Variants in FHIT observed in about 807,000 individuals in gnomAD.
The protein encoded by FHIT is bis(5'-adenosyl)-triphosphatase.
In FHIT, 19 loss-of-function variants were observed where a neutral mutation model predicts 17.9. The observed-to-expected ratio is 1.06, with a 90% CI of 0.74 to 1.56. The LOEUF (loss-of-function observed/expected upper bound fraction) is 1.56. Among genes scored for constraint, FHIT ranks in the 40% most tolerant of loss-of-function variants. FHIT has a pLI of 0.00. For missense variants in FHIT, 248 were observed against 189.2 expected, an observed-to-expected ratio of 1.31 and a Z score of -1.82; for synonymous variants, 81 against 69.7, an observed-to-expected ratio of 1.16 and a Z score of -0.81.
chr3:60,035,202 G>A (rs1373850553), intron 5 of FHIT, among the ~76,000 whole-genome samples: 6 of 152,130 alleles, frequency 3.9e-5, no homozygotes, highest in Non-Finnish European at 8.8e-5. Context: ...AGGTCCAGAG[G>A]TGAGAAAAGA....
intron 4 of FHIT, among the ~76,000 whole-genome samples, chr3:60,712,783 C>A (rs1255339067): frequency 7.1e-6 from 1 of 141,518 alleles, no homozygotes. Context: ...AAAGCAAGTC[C>A]TGAGCGACCT....
chr3:60,572,818 A>G (rs2037432181), intron 4 of FHIT, among the ~76,000 whole-genome samples: 1 of 152,172 alleles, frequency 6.6e-6, no homozygotes, highest in Admixed American at 6.5e-5. Context: ...TGGAAAAAGG[A>G]AAGAGGTAAT....
At chr3:59,768,711 T>G (rs1210195389) in intron 8 of FHIT, among the ~76,000 whole-genome samples, 1 of 152,246 alleles carries the variant, frequency 6.6e-6, no homozygotes, top group Admixed American at 6.5e-5. Flanking sequence ...AAATACTTCT[T>G]GCCCAGATAA....
chr3:60,484,380 G>C (rs536437774), intron 5 of FHIT, among the ~76,000 whole-genome samples: 33 of 152,278 alleles, frequency 2.2e-4, no homozygotes, highest in Admixed American at 2.0e-3. Flanking sequence ...TAAGCAAAAA[G>C]AATAAAGCTG....
chr3:60,171,026 T>C (rs906839961), intron 5 of FHIT, among the ~76,000 whole-genome samples: 5 of 152,154 alleles, frequency 3.3e-5, no homozygotes, highest in African/African-American at 1.2e-4. Flanking sequence ...CAACTTTCTA[T>C]CCCCAACAGA....
intron 5 of FHIT, among the ~76,000 whole-genome samples, chr3:60,372,077 G>T (rs180896558): frequency 6.6e-6 from 1 of 152,118 alleles, no homozygotes; most frequent in Non-Finnish European, 1.5e-5. Flanking sequence ...CATTGTGGCG[G>T]TATCTCCAGA....
chr3:61,108,766 AG>A (rs1280482472), intron 2 of FHIT, among the ~76,000 whole-genome samples: 3 of 152,198 alleles, frequency 2.0e-5, no homozygotes, highest in African/African-American at 7.2e-5. Context: ...TAGGACAAAA[AG>A]TATTTTGTGT....
chr3:60,900,946 A>G (rs1231177485), intron 3 of FHIT, among the ~76,000 whole-genome samples: 2 of 151,958 alleles, frequency 1.3e-5, no homozygotes, highest in Non-Finnish European at 2.9e-5. Flanking sequence ...CTCGGCTAAT[A>G]TTTGTATTTT....
chr3:60,218,053 T>C (rs1161890590), intron 5 of FHIT, among the ~76,000 whole-genome samples: 4 of 152,172 alleles, frequency 2.6e-5, no homozygotes, highest in African/African-American at 9.6e-5. Context: ...ATGTGCAAAA[T>C]GTTTATTATT....
At chr3:59,973,973 G>A (rs1215447669) in intron 7 of FHIT, among the ~76,000 whole-genome samples, 3 of 133,126 alleles carry the variant, frequency 2.3e-5, no homozygotes, top group African/African-American at 7.7e-5. Flanking sequence ...GATTTGTAGG[G>A]GATAAAGAAA....
At chr3:60,234,579 T>A (rs7628950) in intron 5 of FHIT, among the ~76,000 whole-genome samples, 30,629 of 152,184 alleles carry the variant, frequency 0.2, 3,216 homozygotes, top group African/African-American at 0.25. Flanking sequence ...AGAGCTTAGA[T>A]TTTAAAATTC....
intron 4 of FHIT, among the ~76,000 whole-genome samples, chr3:60,643,620 G>A (rs539778337): frequency 4.6e-5 from 7 of 152,248 alleles, no homozygotes; most frequent in South Asian, 4.2e-4. Context: ...GATGCTGTAC[G>A]CAGATGGTCT....
chr3:60,926,053 A>G (rs1319483487), intron 3 of FHIT, among the ~76,000 whole-genome samples: 10 of 152,232 alleles, frequency 6.6e-5, no homozygotes, highest in Non-Finnish European at 1.5e-4. Context: ...CAGATTCATA[A>G]AGCAAGTCCT....
chr3:60,312,374 A>C (rs10428177), intron 5 of FHIT, among the ~76,000 whole-genome samples: 1 of 151,774 alleles, frequency 6.6e-6, no homozygotes, highest in African/African-American at 2.4e-5. Flanking sequence ...ACTCCTGAGC[A>C]CAAGTGATCC....
intron 5 of FHIT, among the ~76,000 whole-genome samples, chr3:60,390,760 TAAAA>T (rs1298343883): frequency 1.3e-5 from 2 of 151,596 alleles, no homozygotes; most frequent in African/African-American, 2.4e-5. Flanking sequence ...TATTTAAAAA[TAAAA>T]AAATACACTA....
chr3:60,217,363 A>G lies in FHIT; in HGVS notation c.104-203211T>C, dbSNP rs549663368. Among the ~76,000 whole-genome samples, 73 of 152,298 alleles carry G rather than the reference A, an allele frequency of 4.8e-4. 1 individual carries two copies. In the South Asian group the frequency reaches 0.014, roughly 29 times the overall value. ...GTCACTTTCCTTGAGCTCATCGCCC[A>G]TATCCCATCAATCACCAGTTCCACT... is the stretch of plus-strand genomic sequence containing the variant. On this transcript the variant is annotated intron_variant, in intron 5 of 9. Coordinates refer to ENST00000492590, the MANE Select transcript of FHIT (RefSeq NM_002012.4).
chr3:59,760,925 C>A (rs1701481761), intron 8 of FHIT, among the ~76,000 whole-genome samples: 1 of 152,096 alleles, frequency 6.6e-6, no homozygotes, highest in Non-Finnish European at 1.5e-5. Context: ...GTGATCCAGC[C>A]ACTTCCGCCT....
chr3:60,940,989 A>C (rs1196660720), intron 3 of FHIT, among the ~76,000 whole-genome samples: 2 of 152,236 alleles, frequency 1.3e-5, no homozygotes, highest in Non-Finnish European at 2.9e-5. Flanking sequence ...TAGCCACATT[A>C]AAAATGTAAA....
chr3:60,857,537 T>C (rs138989955), intron 3 of FHIT, among the ~76,000 whole-genome samples: 49 of 152,130 alleles, frequency 3.2e-4, no homozygotes, highest in African/African-American at 1.2e-3. Context: ...AGATAATACA[T>C]GGAAAGCTTT....
Sources: gnomAD v4.1 joint callset for allele counts (sites outside exome capture counted in the v4.1 genomes callset) on GRCh38, gnomAD v4.1.1 for gene constraint, MANE v1.5 for transcripts, NCBI Gene and HGNC (gene_info 2026-07-23, HGNC 2026-07-21) for gene names.